RIOK1: variants seen among roughly 807,000 people sequenced by gnomAD.
RIOK1 encodes the protein serine/threonine-protein kinase RIO1.
RIOK1 carries 66 observed loss-of-function variants against 73.5 expected under a neutral mutation model. The observed-to-expected ratio is 0.90, with a 90% CI of 0.74 to 1.10. The LOEUF (loss-of-function observed/expected upper bound fraction) is 1.10, where lower values mean the gene tolerates loss of function less well. Ranked by LOEUF, RIOK1 falls within the 50% of genes least tolerant of loss-of-function variation. The pLI is 0.00. For missense variants in RIOK1, 658 were observed against 699.8 expected (o/e 0.94, Z 0.67); for synonymous variants, 224 against 226.8 (o/e 0.99, Z 0.11).
intron 4 of RIOK1, among the ~76,000 whole-genome samples, chr6:7,398,286 G>A (rs1198209941): frequency 2.6e-5 from 4 of 151,968 alleles, no homozygotes; most frequent in African/African-American, 9.7e-5. Flanking sequence ...CCTAGCCTGG[G>A]CAACATAGTA....
intron 2 of RIOK1, among the ~76,000 whole-genome samples, chr6:7,394,391 A>G (rs9406028): frequency 0.88 from 134,181 of 152,226 alleles, 59,733 homozygotes; most frequent in Middle Eastern, 0.97. Flanking sequence ...CCAAGATCAC[A>G]CCACTGCACT....
Position 7,389,830 on chromosome 6 carries a change from G to A in RIOK1, c.-173G>A, listed in dbSNP as rs1348984530. The A allele has an allele frequency of 1.6e-6, 1 of 607,960 alleles. No homozygotes were observed. Among genetic ancestry groups the A allele is most frequent in the African/African-American group, 1.9e-5 (1 of 53,892 alleles). The allele number at this position is 607,960 out of a possible 1,614,324, so 37.7% of individuals were successfully genotyped here. The stretch of plus-strand genomic sequence containing the variant: ...GAGGGGCTTCCGGTTGGGGTGGCAG[G>A]GTGGTGGATCTGTCGGTCCCGTTTT... On this transcript the variant is annotated 5_prime_UTR_variant, in exon 1 of 17. Coordinates refer to ENST00000379834, the MANE Select transcript of RIOK1 (RefSeq NM_031480.3).
At chr6:7,405,503 C>T (rs1334063751) in intron 12 of RIOK1, 148 bp downstream of exon 12, 6 of 513,696 alleles carry the variant, frequency 1.2e-5, no homozygotes, top group Non-Finnish European at 1.4e-5. Context: ...GTTGAGCATC[C>T]GAAATATCAA....
At chr6:7,416,215 C>T (rs190334882) in intron 16 of RIOK1, among the ~76,000 whole-genome samples, 35 of 152,360 alleles carry the variant, frequency 2.3e-4, no homozygotes, top group African/African-American at 7.5e-4. Context: ...CATATTTTCT[C>T]ATATGTCTAC....
intron 16 of RIOK1, among the ~76,000 whole-genome samples, chr6:7,415,846 G>A (rs185043712): frequency 6.6e-6 from 1 of 152,350 alleles, no homozygotes; most frequent in East Asian, 1.9e-4. Context: ...TATTTGGAGA[G>A]AGAGACCACA....
At chr6:7,412,192 C>G (rs1761901841) in intron 14 of RIOK1, among the ~76,000 whole-genome samples, 1 of 151,638 alleles carries the variant, frequency 6.6e-6, no homozygotes, top group South Asian at 2.1e-4. Context: ...GAAACCCTGT[C>G]TCTACTAAAA....
chr6:7,412,360 CA>C (rs555194421), intron 14 of RIOK1, among the ~76,000 whole-genome samples: 251 of 107,270 alleles, frequency 2.3e-3, no homozygotes, highest in Admixed American at 2.2e-3. Context: ...AACTCTGTCT[CA>C]AAAAAAAAAA....
chr6:7,402,845 C>T lies in RIOK1; in HGVS notation c.715C>T (p.Pro239Ser), dbSNP rs200730332. 3.7e-6 allele frequency: 6 copies of T among 1,613,536 alleles called. No homozygotes were observed. Among genetic ancestry groups the T allele is most frequent in the Non-Finnish European group, 5.1e-6 (6 of 1,179,774 alleles). Reference sequence around the variant, plus strand: ...TCGTCATGGCTATTGTAAAGGAAACCCTAGGAAAATGGTGAAAACTTGGGC... The same window carrying T: ...TCGTCATGGCTATTGTAAAGGAAACTCTAGGAAAATGGTGAAAACTTGGGC... ...RFRHGYCKGN[P>S]RKMVKTWAEK... Residue 239 changes from proline to serine, a missense_variant, in exon 8 of 17, where the codon CCT (proline) becomes TCT (serine). Coordinates refer to ENST00000379834, the MANE Select transcript of RIOK1 (RefSeq NM_031480.3).
rs200535882 is a variant in RIOK1 at position 7,414,369 on chromosome 6, G to C, written c.1575G>C (p.Thr525=). ...GDHARPKKHT[T]DPDIDKKERK... ...ATGCCCGCCCCAAGAAACACACCAC[G>C]GACCCTGACATTGATAAAAAAGTAA... The change falls in exon 16 of 17, where the codon ACG becomes ACC. Residue 525 remains threonine, a synonymous_variant. Coordinates refer to ENST00000379834, the MANE Select transcript of RIOK1 (RefSeq NM_031480.3). The C allele has an allele frequency of 2.2e-5, 35 of 1,607,358 alleles. No individual in the cohort carries two copies. Among genetic ancestry groups the C allele is most frequent in the South Asian group, 5.6e-5 (5 of 89,514 alleles).
At chr6:7,396,336 TTGAAG>T (rs1262832943) in intron 3 of RIOK1, among the ~76,000 whole-genome samples, 1 of 152,224 alleles carries the variant, frequency 6.6e-6, no homozygotes, top group African/African-American at 2.4e-5. Context: ...GACTTATAAC[TTGAAG>T]TGAAACAAGT....
chr6:7,408,773 G>A (rs1761812828), intron 12 of RIOK1, among the ~76,000 whole-genome samples: 1 of 150,810 alleles, frequency 6.6e-6, no homozygotes, highest in South Asian at 2.1e-4. Flanking sequence ...CCAGGCTGGA[G>A]TGCAGTGGGG....
At chr6:7,396,134 G>A (rs1218329324) in intron 3 of RIOK1, among the ~76,000 whole-genome samples, 4 of 152,114 alleles carry the variant, frequency 2.6e-5, no homozygotes, top group African/African-American at 7.2e-5. Context: ...TGACCTGTTC[G>A]ATGCCAGGCA....
chr6:7,397,878 A>G (rs1455500422), intron 4 of RIOK1, among the ~76,000 whole-genome samples: 1 of 152,218 alleles, frequency 6.6e-6, no homozygotes, highest in African/African-American at 2.4e-5. Context: ...GCAGTGGCTC[A>G]CGCCTGTAAT....
chr6:7,405,230 A>T lies in RIOK1; in HGVS notation c.1097-19A>T. The stretch of plus-strand genomic sequence containing the variant: ...TTTTTCCTCATAAAAGCTGTCATTA[A>T]CGTTTTTCCTTCTGACAGATTTCTT... On this transcript the variant is annotated intron_variant, in intron 11 of 16. Coordinates refer to ENST00000379834, the MANE Select transcript of RIOK1 (RefSeq NM_031480.3). 1 of 1,507,434 alleles carries T rather than the reference A, an allele frequency of 6.6e-7. No homozygotes were observed. The highest frequency in any genetic ancestry group is 9.2e-7 in the Non-Finnish European group (1 of 1,085,990). The allele number at this position is 1,507,434 out of a possible 1,614,324, so 93.4% of individuals were successfully genotyped here. A position where few individuals can be genotyped will look rare whatever the true frequency, so the allele number is the denominator to read the frequency against.
At chr6:7,396,136 T>G (rs758777429) in intron 3 of RIOK1, among the ~76,000 whole-genome samples, 1 of 152,220 alleles carries the variant, frequency 6.6e-6, no homozygotes, top group South Asian at 2.1e-4. Flanking sequence ...ACCTGTTCGA[T>G]GCCAGGCATC....
In RIOK1 at chr6:7,412,904, G is replaced by A. The variant is rs143545368; in HGVS notation, c.1405G>A (p.Val469Ile). The change falls in exon 15 of 17, where the codon GTT becomes ATT. Residue 469 changes from valine (V) to isoleucine (I), a missense_variant. Transcript: ENST00000379834. ...TGGTTATAAGATTCTATACCAGACT[G>A]TTACAGGATTGAAGAAAGATTTGTC... ...AQQDNILYQT[V>I]TGLKKDLSGV... The A allele has an allele frequency of 6.5e-7, 1 of 1,540,078 alleles. No homozygotes were observed. The highest frequency in any genetic ancestry group is 8.7e-7 in the Non-Finnish European group (1 of 1,143,982).
chr6:7,391,844 A>T (rs763212380), intron 1 of RIOK1, among the ~76,000 whole-genome samples: 1 of 152,216 alleles, frequency 6.6e-6, no homozygotes, highest in South Asian at 2.1e-4. Flanking sequence ...AGGCAATTAT[A>T]TATCAATCTG....
At position 7,418,012 on chromosome 6, in the gene RIOK1, A is replaced by G. The variant is rs1167856683; in HGVS notation, c.*571A>G. 1 of 152,228 alleles carries G rather than the reference A, an allele frequency of 6.6e-6. No homozygotes were observed. The highest frequency in any genetic ancestry group is 1.5e-5 in the Non-Finnish European group (1 of 68,054). The allele number at this position is 152,228 out of a possible 1,614,324, so 9.4% of individuals were successfully genotyped here. A position where few individuals can be genotyped will look rare whatever the true frequency, so the allele number is the denominator to read the frequency against. On this transcript the variant is annotated 3_prime_UTR_variant, in exon 17 of 17. Transcript: ENST00000379834. ...GTTCTTTTTGGAGTTAGGACCTCTCAGTTCATAAAGTTTTTTACAATTCAA... is the reference window on the plus strand; with the variant it reads ...GTTCTTTTTGGAGTTAGGACCTCTCGGTTCATAAAGTTTTTTACAATTCAA...
intron 9 of RIOK1, 91 bp downstream of exon 9, chr6:7,404,118 A>C (rs779831132): frequency 1.4e-5 from 13 of 911,304 alleles, no homozygotes; most frequent in Non-Finnish European, 2.3e-5. Context: ...TTCCCATTTG[A>C]ATAACTTATT....
Sources: gnomAD v4.1 joint callset for allele counts (sites outside exome capture counted in the v4.1 genomes callset) on GRCh38, gnomAD v4.1.1 for gene constraint, MANE v1.5 for transcripts, NCBI Gene and HGNC (gene_info 2026-07-23, HGNC 2026-07-21) for gene names.